Variants in VAT1L observed in about 807,000 individuals in gnomAD.
VAT1L encodes putative NADPH-dependent quinone oxidoreductase VAT1L.
In VAT1L, 34 loss-of-function variants were observed where a neutral mutation model predicts 44.1. The observed-to-expected ratio is 0.77, with a 90% CI of 0.59 to 1.03. The LOEUF (loss-of-function observed/expected upper bound fraction) is 1.03. Among genes scored for constraint, VAT1L ranks in the 50% least tolerant of loss-of-function variants. The pLI is 0.00. For missense variants in VAT1L, 615 were observed against 538.8 expected (o/e 1.14, Z -1.40); for synonymous variants, 253 against 202.2 (o/e 1.25, Z -2.13).
intron 7 of VAT1L, among the ~76,000 whole-genome samples, chr16:77,907,642 C>G (rs2017452468): frequency 6.6e-6 from 1 of 152,016 alleles, no homozygotes; most frequent in Non-Finnish European, 1.5e-5. Flanking sequence ...TCCATATTTT[C>G]CATAAAGCTA....
At chr16:77,862,367 C>T (rs944392809) in intron 3 of VAT1L, among the ~76,000 whole-genome samples, 1 of 152,134 alleles carries the variant, frequency 6.6e-6, no homozygotes, top group Non-Finnish European at 1.5e-5. Context: ...GTAATCCTAG[C>T]ACTTTAGGAG....
intron 7 of VAT1L, among the ~76,000 whole-genome samples, chr16:77,933,332 A>T (rs1007729623): frequency 6.6e-6 from 1 of 152,140 alleles, no homozygotes; most frequent in East Asian, 1.9e-4. Context: ...TATCTTCCTG[A>T]CTCCAAAAAC....
intron 7 of VAT1L, among the ~76,000 whole-genome samples, chr16:77,944,825 C>G (rs2017939213): frequency 6.6e-6 from 1 of 152,066 alleles, no homozygotes; most frequent in South Asian, 2.1e-4. Context: ...TTCTCTGTGC[C>G]AAGACTCTGC....
rs752376320 is a variant in VAT1L, at chr16:77,817,028, G to A, written c.341G>A (p.Gly114Glu). ...FECSGIVEALGDSVKGYEIGD... is the reference protein window; with the variant it reads ...FECSGIVEALEDSVKGYEIGD... Reference sequence around the variant, plus strand: ...TGTTCTGGGATTGTTGAAGCTCTGGGGGACAGCGTGAAAGGATATGAGGTA... The same window carrying A: ...TGTTCTGGGATTGTTGAAGCTCTGGAGGACAGCGTGAAAGGATATGAGGTA... Residue 114 changes from glycine to glutamate, a missense_variant, in exon 2 of 9, where the codon GGG (glycine) becomes GAG (glutamate). Gly to Glu is a moderately conservative substitution (Grantham distance 98). Coordinates refer to ENST00000302536, the MANE Select transcript of VAT1L (RefSeq NM_020927.3). The A allele has an allele frequency of 1.2e-6, 2 of 1,613,980 alleles. No homozygotes were observed. The highest frequency in any genetic ancestry group is 1.7e-6 in the Non-Finnish European group (2 of 1,179,924).
At chr16:77,918,035 A>C (rs1348909948) in intron 7 of VAT1L, among the ~76,000 whole-genome samples, 1 of 152,226 alleles carries the variant, frequency 6.6e-6, no homozygotes, top group Non-Finnish European at 1.5e-5. Context: ...GCAGAGACAC[A>C]GCCTGAATCT....
intron 7 of VAT1L, among the ~76,000 whole-genome samples, chr16:77,918,905 T>C (rs2017580844): frequency 6.6e-6 from 1 of 152,212 alleles, no homozygotes; most frequent in Admixed American, 6.5e-5. Flanking sequence ...CTCTCTCTCC[T>C]GAGCTTACCA....
intron 7 of VAT1L, among the ~76,000 whole-genome samples, chr16:77,886,393 G>A (rs577741035): frequency 6.6e-6 from 1 of 152,162 alleles, no homozygotes; most frequent in Non-Finnish European, 1.5e-5. Flanking sequence ...AGATATACTT[G>A]TCCATGGGCC....
intron 7 of VAT1L, among the ~76,000 whole-genome samples, chr16:77,942,773 C>A (rs1041172233): frequency 2.6e-5 from 4 of 152,176 alleles, no homozygotes; most frequent in South Asian, 2.1e-4. Flanking sequence ...GAGACAGAGT[C>A]TCACTCTGTC....
intron 1 of VAT1L, among the ~76,000 whole-genome samples, chr16:77,802,530 C>G (rs550808994): frequency 7.4e-4 from 112 of 151,804 alleles, no homozygotes; most frequent in Non-Finnish European, 1.2e-3. Flanking sequence ...CAGGGAATTG[C>G]TTGAACCCAG....
chr16:77,921,981 C>G (rs191829108), intron 7 of VAT1L, among the ~76,000 whole-genome samples: 157 of 152,194 alleles, frequency 1.0e-3, no homozygotes, highest in African/African-American at 3.5e-3. Flanking sequence ...GCCCTGGGCT[C>G]AAGCAATTCT....
At chr16:77,832,339 A>C (rs775280385) in intron 3 of VAT1L, among the ~76,000 whole-genome samples, 10 of 152,132 alleles carry the variant, frequency 6.6e-5, no homozygotes, top group Non-Finnish European at 1.3e-4. Context: ...TGAGTTTTCA[A>C]ATTCTTTCAC....
chr16:77,808,927 T>C (rs1230223640), intron 1 of VAT1L, among the ~76,000 whole-genome samples: 2 of 152,170 alleles, frequency 1.3e-5, no homozygotes, highest in Admixed American at 6.5e-5. Flanking sequence ...TGTTTCCCCA[T>C]GAGAATTTGG....
chr16:77,972,543 G>A (rs979198263), intron 8 of VAT1L, among the ~76,000 whole-genome samples: 1 of 152,222 alleles, frequency 6.6e-6, no homozygotes, highest in Non-Finnish European at 1.5e-5. Flanking sequence ...CACTTGGGGA[G>A]GCTGAGGCGG....
At chr16:77,860,713 C>T (rs1019370355) in intron 3 of VAT1L, among the ~76,000 whole-genome samples, 1 of 152,158 alleles carries the variant, frequency 6.6e-6, no homozygotes, top group African/African-American at 2.4e-5. Context: ...AAAGATAGTC[C>T]TCTCTTTGCT....
chr16:77,947,072 G>A (rs1036026914), intron 7 of VAT1L, among the ~76,000 whole-genome samples: 12 of 152,152 alleles, frequency 7.9e-5, no homozygotes, highest in African/African-American at 2.9e-4. Context: ...TCAGCTAATA[G>A]GCAAGTGGGA....
intron 3 of VAT1L, among the ~76,000 whole-genome samples, chr16:77,850,051 T>A (rs1016621286): frequency 6.6e-6 from 1 of 152,164 alleles, no homozygotes; most frequent in Non-Finnish European, 1.5e-5. Flanking sequence ...CCAGCAAACA[T>A]GGACACGCGT....
At chr16:77,844,774 A>G (rs1210587792) in intron 3 of VAT1L, among the ~76,000 whole-genome samples, 1 of 152,156 alleles carries the variant, frequency 6.6e-6, no homozygotes, top group Non-Finnish European at 1.5e-5. Flanking sequence ...TCCTGGAACC[A>G]ATCACACAAG....
chr16:77,862,747 G>C lies in VAT1L; in HGVS notation c.580-1G>C. The C allele has an allele frequency of 6.2e-7, 1 of 1,613,010 alleles. No individual in the cohort carries two copies. Among genetic ancestry groups the C allele is most frequent in the Non-Finnish European group, 8.5e-7 (1 of 1,179,620 alleles). On this transcript the variant is annotated splice_acceptor_variant, in intron 3 of 8. Transcript: ENST00000302536. LOFTEE classifies it high-confidence loss of function. Reference sequence around the variant, plus strand: ...ACATAGCTATTGTCTTTTCCTTCCAGGGTCAAGCTGTGGCTCAGCTGTGTT... The same window carrying C: ...ACATAGCTATTGTCTTTTCCTTCCACGGTCAAGCTGTGGCTCAGCTGTGTT...
chr16:77,943,380 C>CT (rs773527946), intron 7 of VAT1L, among the ~76,000 whole-genome samples: 2,031 of 125,858 alleles, frequency 0.016, 60 homozygotes, highest in East Asian at 0.052. Flanking sequence ...CTTTTTCTTT[C>CT]TTTTTTTTTT....
Sources: gnomAD v4.1 joint callset for allele counts (sites outside exome capture counted in the v4.1 genomes callset) on GRCh38, gnomAD v4.1.1 for gene constraint, MANE v1.5 for transcripts, NCBI Gene and HGNC (gene_info 2026-07-23, HGNC 2026-07-21) for gene names.